The following USP14 variants were observed in gnomAD, a reference collection of about 807,000 sequenced individuals.
The protein encoded by USP14 is ubiquitin specific peptidase 14.
USP14 carries 38 observed loss-of-function variants against 76.5 expected under a neutral mutation model. The ratio of observed to expected loss-of-function variants is 0.50; its 90% CI spans 0.38 to 0.65. The LOEUF (loss-of-function observed/expected upper bound fraction) is 0.65. Ranked by LOEUF, USP14 falls within the 30% of genes least tolerant of loss-of-function variation. USP14 has a pLI of 0.00. For missense variants in USP14, 467 were observed against 586.5 expected, an observed-to-expected ratio of 0.80 and a Z score of 2.10; for synonymous variants, 192 against 191.7, an observed-to-expected ratio of 1.00 and a Z score of -0.01.
At position 196,620 on chromosome 18, in the gene USP14, T is replaced by A. The variant is rs1041308661; in HGVS notation, c.464-17T>A. On this transcript the variant is annotated splice_polypyrimidine_tract_variant and intron_variant, in intron 6 of 15. Coordinates refer to ENST00000261601, the MANE Select transcript of USP14 (RefSeq NM_005151.4). ...ATGTGACTGTTTTACTAAGGCAATGTTTGCTTTGTCTTTAAGCCCTTAGAG... is the reference window on the plus strand; with the variant it reads ...ATGTGACTGTTTTACTAAGGCAATGATTGCTTTGTCTTTAAGCCCTTAGAG... The A allele has an allele frequency of 9.3e-6, 15 of 1,605,872 alleles. No homozygotes were observed. Among genetic ancestry groups the A allele is most frequent in the African/African-American group, 1.3e-5 (1 of 74,548 alleles).
intron 13 of USP14, 100 bp downstream of exon 13, chr18:204,792 G>C: frequency 1.4e-6 from 2 of 1,382,158 alleles, no homozygotes; most frequent in South Asian, 1.3e-5. Context: ...TTTTCCTTCA[G>C]AACTATACTT....
chr18:195,864 G>GT, intron 6 of USP14, among the ~76,000 whole-genome samples: 1 of 152,262 alleles, frequency 6.6e-6, no homozygotes, highest in Middle Eastern at 3.4e-3. Flanking sequence ...ACCCTGCTTT[G>GT]TTTGGGAAGA....
intron 13 of USP14, among the ~76,000 whole-genome samples, chr18:204,989 C>T (rs1431221291): frequency 1.3e-5 from 2 of 151,950 alleles, no homozygotes; most frequent in Non-Finnish European, 1.5e-5. Context: ...ATCCTCCCAC[C>T]TCACCCTCCC....
chr18:207,939 T>G lies in USP14; in HGVS notation c.1165-2032T>G, dbSNP rs180839084. 4.5e-3 allele frequency among the ~76,000 whole-genome samples: 692 copies of G among 152,294 alleles called. 6 individuals carry two copies. Among genetic ancestry groups the G allele is most frequent in the Non-Finnish European group, 7.6e-3 (517 of 68,014 alleles). ...ACTTTGTATATGGATCTTAAATCCT[T>G]GACTTTGCTGAATTTATTAGCTGTT... On this transcript the variant is annotated intron_variant, in intron 13 of 15. Coordinates refer to ENST00000261601, the MANE Select transcript of USP14 (RefSeq NM_005151.4).
chr18:210,257 A>T, intron 14 of USP14, 129 bp from the exon 15 acceptor site: 1 of 739,698 alleles, frequency 1.4e-6, no homozygotes, highest in African/African-American at 1.8e-5. Flanking sequence ...CTATGATTGG[A>T]CAGTAGTATC....
intron 5 of USP14, among the ~76,000 whole-genome samples, chr18:181,647 T>G (rs1291004456): frequency 6.6e-6 from 1 of 152,196 alleles, no homozygotes; most frequent in Admixed American, 6.5e-5. Context: ...TAAAATTTAT[T>G]TTTTTCCTAA....
rs1423929644 is a variant in USP14 at position 211,884 on chromosome 18, G to C, written c.*600G>C. The C allele has an allele frequency of 6.7e-6, 1 of 148,836 alleles. No homozygotes were observed. 9.2% of individuals were successfully genotyped at this position (148,836 alleles called of 1,614,324 possible). A position where few individuals can be genotyped will look rare whatever the true frequency, so the allele number is the denominator to read the frequency against. The stretch of plus-strand genomic sequence containing the variant: ...AATTGTGATCAATAATAGTACCTTT[G>C]ATTATACATTTATTATTGTGTCTCT... On this transcript the variant is annotated 3_prime_UTR_variant, in exon 16 of 16. Transcript: ENST00000261601.
chr18:203,756 C>T (rs1910451570), intron 12 of USP14, among the ~76,000 whole-genome samples: 1 of 151,990 alleles, frequency 6.6e-6, no homozygotes, highest in South Asian at 2.1e-4. Flanking sequence ...ACTACAGGCG[C>T]CCGCCACCGT....
intron 5 of USP14, among the ~76,000 whole-genome samples, chr18:181,034 TAG>T (rs1346075460): frequency 1.3e-5 from 2 of 152,074 alleles, no homozygotes; most frequent in African/African-American, 4.8e-5. Context: ...TATGGCTGAA[TAG>T]TATTTCATGG....
At chr18:175,901 A>T (rs111248914) in intron 3 of USP14, among the ~76,000 whole-genome samples, 1 of 152,048 alleles carries the variant, frequency 6.6e-6, no homozygotes, top group East Asian at 1.9e-4. Flanking sequence ...AGACTTTAAG[A>T]ATTTAGTGTC....
chr18:163,502 T>C lies in USP14; in HGVS notation c.162+49T>C, dbSNP rs538776565. ...TCACATTACTATTATTGTATACTTT[T>C]TGAAAAATAACGCCAGAAAATTATT... On this transcript the variant is annotated intron_variant, in intron 2 of 15. Transcript: ENST00000261601. 13 of 1,548,506 alleles carry C rather than the reference T, an allele frequency of 8.4e-6. No homozygotes were observed. The East Asian group carries it at 2.7e-4, about 33-fold the overall frequency.
intron 3 of USP14, 49 bp from the exon 4 acceptor site, chr18:178,884 C>A: frequency 7.0e-7 from 1 of 1,436,752 alleles, no homozygotes; most frequent in Non-Finnish European, 9.6e-7. Context: ...TTGACATAAA[C>A]ATTACCAACT....
chr18:160,069 C>T (rs373489023), intron 1 of USP14, among the ~76,000 whole-genome samples: 2 of 152,004 alleles, frequency 1.3e-5, no homozygotes, highest in Admixed American at 6.6e-5. Flanking sequence ...TTGGGAGGCT[C>T]GAGGCGGGCG....
rs1167815362 is a variant in USP14, at chr18:171,020, AAAAAAATAT to A, written c.195+4203_195+4211del. Among the ~76,000 whole-genome samples, 10 of 91,438 alleles carry A rather than the reference AAAAAAATAT, an allele frequency of 1.1e-4. 1 individual carries two copies. The highest frequency in any genetic ancestry group is 4.1e-4 in the South Asian group (1 of 2,430). The allele number at this position is 91,438 out of a possible 152,430, so 60.0% of individuals were successfully genotyped here. A position where few individuals can be genotyped will look rare whatever the true frequency, so the allele number is the denominator to read the frequency against. The stretch of plus-strand genomic sequence containing the variant: ...TGTACCCTGGAACTTAAAAAAAAAA[AAAAAAATAT>A]ATATATATATATATATATATATATA... On this transcript the variant is annotated intron_variant, in intron 3 of 15. Coordinates refer to ENST00000261601, the MANE Select transcript of USP14 (RefSeq NM_005151.4).
At chr18:177,377 G>A (rs974041093) in intron 3 of USP14, among the ~76,000 whole-genome samples, 2 of 145,810 alleles carry the variant, frequency 1.4e-5, no homozygotes, top group Non-Finnish European at 3.0e-5. Context: ...ACCTATAATT[G>A]TGCCACTGCA....
chr18:175,364 C>T (rs1909598875), intron 3 of USP14, among the ~76,000 whole-genome samples: 1 of 152,118 alleles, frequency 6.6e-6, no homozygotes, highest in Non-Finnish European at 1.5e-5. Flanking sequence ...AGGGGAAAAG[C>T]CTCCAGTCAT....
Position 212,822 on chromosome 18 carries a change from T to C in USP14, c.*1538T>C, listed in dbSNP as rs947812290. On this transcript the variant is annotated 3_prime_UTR_variant, in exon 16 of 16. Transcript: ENST00000261601. Reference sequence around the variant, plus strand: ...TTTGGCTCTGATTTTGAGTTATTTATAATAAAGTTTGGGGATTATCATAAC... The same window carrying C: ...TTTGGCTCTGATTTTGAGTTATTTACAATAAAGTTTGGGGATTATCATAAC... The C allele has an allele frequency of 2.6e-5, 4 of 152,224 alleles. No individual in the cohort carries two copies. The highest frequency in any genetic ancestry group is 9.6e-5 in the African/African-American group (4 of 41,466). The allele number at this position is 152,224 out of a possible 1,614,324, so 9.4% of individuals were successfully genotyped here.
intron 1 of USP14, among the ~76,000 whole-genome samples, chr18:161,847 G>T (rs763840357): frequency 9.2e-5 from 14 of 152,246 alleles, no homozygotes; most frequent in Non-Finnish European, 1.6e-4. Context: ...TTATGAGGCT[G>T]ATTGAAATTT....
chr18:211,337 C>CA lies in USP14; in HGVS notation c.*54dup. 1 of 1,549,770 alleles carries CA rather than the reference C, an allele frequency of 6.5e-7. No homozygotes were observed. The highest frequency in any genetic ancestry group is 1.7e-4 in the Middle Eastern group (1 of 5,770). ...GTGAAAATAAATGTTATTTGTTGAT[C>CA]ATTTCTATAATCCAGAGCTTTAGAG... On this transcript the variant is annotated 3_prime_UTR_variant, in exon 16 of 16. Transcript: ENST00000261601.
Sources: allele counts gnomAD v4.1 joint callset (sites outside exome capture counted in the v4.1 genomes callset), GRCh38; gene constraint gnomAD v4.1.1; transcripts MANE v1.5; gene names NCBI Gene and HGNC (gene_info 2026-07-23, HGNC 2026-07-21).